SDK2: variants seen among roughly 807,000 people sequenced by gnomAD.
The protein encoded by SDK2 is sidekick cell adhesion molecule 2, also known as protein sidekick-2.
A neutral mutation model predicts 253.9 loss-of-function variants in SDK2; 105 were observed. That is an observed-to-expected ratio of 0.41 (90% confidence interval 0.35 to 0.49). The LOEUF is 0.49. SDK2 is among the 20% of genes least tolerant of loss of function. The pLI is 0.06. For synonymous variants in SDK2, 1,249 were observed against 1,234.9 expected, an observed-to-expected ratio of 1.01 and a Z score of -0.24; for missense variants, 2,608 against 3,003.0, an observed-to-expected ratio of 0.87 and a Z score of 3.07.
At chr17:73,536,797 G>T (rs535787063) in intron 1 of SDK2, among the ~76,000 whole-genome samples, 1 of 152,302 alleles carries the variant, frequency 6.6e-6, no homozygotes, top group East Asian at 1.9e-4. Context: ...GGCTATAAAA[G>T]TGGTTCCAGA....
chr17:73,388,916 TTTTCC>T (rs2062902175), intron 29 of SDK2, among the ~76,000 whole-genome samples: 1 of 51,822 alleles, frequency 1.9e-5, no homozygotes, highest in African/African-American at 9.6e-5. Flanking sequence ...CTCCCTCCCT[TTTTCC>T]CCCCTTCCCT....
intron 18 of SDK2, among the ~76,000 whole-genome samples, chr17:73,404,205 T>C (rs2063052596): frequency 1.3e-5 from 2 of 152,210 alleles, no homozygotes; most frequent in African/African-American, 4.8e-5. Context: ...GGATCCAAGA[T>C]GGCAGCAGGG....
At chr17:73,420,654 T>TG (rs1183872762) in intron 15 of SDK2, among the ~76,000 whole-genome samples, 2 of 151,464 alleles carry the variant, frequency 1.3e-5, no homozygotes, top group Non-Finnish European at 2.9e-5. Context: ...TTGTAGAGGC[T>TG]GGGGTAAGGG....
intron 1 of SDK2, among the ~76,000 whole-genome samples, chr17:73,640,513 C>T (rs551925083): frequency 6.6e-6 from 1 of 152,282 alleles, no homozygotes; most frequent in African/African-American, 2.4e-5. Context: ...ATTCCACTCT[C>T]GAGTGGGGCT....
At chr17:73,515,094 C>A (rs973377260) in intron 1 of SDK2, among the ~76,000 whole-genome samples, 1 of 152,172 alleles carries the variant, frequency 6.6e-6, no homozygotes, top group Non-Finnish European at 1.5e-5. Context: ...AGTTAAGAGG[C>A]CTGAGTTCAT....
Position 73,390,454 on chromosome 17 carries a change from G to C in SDK2, c.4025C>G (p.Thr1342Ser). ...LAYQITHRLN[T>S]TTANTATVEV... is the part of the protein sequence containing the mutation. ...CACAGTGGCGGTGTTGGCCGTGGTG[G>C]TGTTGAGCCGGTGTGTGATCTGGTA... Residue 1342 changes from threonine to serine, a missense_variant, in exon 29 of 45, where the codon ACC becomes AGC. Transcript: ENST00000392650. 1 of 1,612,728 alleles carries C rather than the reference G, an allele frequency of 6.2e-7. No homozygotes were observed.
intron 12 of SDK2, among the ~76,000 whole-genome samples, chr17:73,428,033 A>G (rs768651351): frequency 6.0e-4 from 92 of 152,230 alleles, no homozygotes; most frequent in South Asian, 2.1e-4. Context: ...AAAAATAGTC[A>G]TTGACAGATG....
chr17:73,344,907 T>C (rs1374184668), intron 44 of SDK2, among the ~76,000 whole-genome samples: 5 of 152,224 alleles, frequency 3.3e-5, no homozygotes, highest in African/African-American at 1.2e-4. Flanking sequence ...CCCAGTGCTG[T>C]TCACACTTTG....
intron 21 of SDK2, among the ~76,000 whole-genome samples, 181 bp downstream of exon 21, chr17:73,400,839 G>A (rs774212980): frequency 6.6e-6 from 1 of 151,964 alleles, no homozygotes; most frequent in Non-Finnish European, 1.5e-5. Context: ...TTTTTAGTAG[G>A]GTTTTACCAC....
chr17:73,350,094 G>T (rs1381057382), intron 43 of SDK2, 143 bp downstream of exon 43: 3 of 450,808 alleles, frequency 6.7e-6, no homozygotes, highest in East Asian at 7.1e-5. Context: ...TCTGCTGATC[G>T]TTCCCAGCCC....
intron 18 of SDK2, among the ~76,000 whole-genome samples, chr17:73,414,061 T>C (rs2063160380): frequency 1.3e-5 from 2 of 151,944 alleles, no homozygotes; most frequent in Non-Finnish European, 2.9e-5. Flanking sequence ...CTTTTTTTTT[T>C]TTTGGGACAG....
At chr17:73,509,627 C>CAAAA (rs111605845) in intron 1 of SDK2, among the ~76,000 whole-genome samples, 1 of 81,254 alleles carries the variant, frequency 1.2e-5, no homozygotes. Context: ...CCCTCTTCAC[C>CAAAA]AAAAAAAAAA....
chr17:73,628,831 C>T (rs756490011), intron 1 of SDK2, among the ~76,000 whole-genome samples: 20 of 152,226 alleles, frequency 1.3e-4, no homozygotes, highest in Non-Finnish European at 1.3e-4. Context: ...TCCAAAGCCA[C>T]GCCCCAGAGA....
chr17:73,380,965 TGCCGGGGCGGGGGC>T lies in SDK2; in HGVS notation c.4706-29_4706-16del. The T allele has an allele frequency of 4.8e-6, 3 of 623,256 alleles. No individual in the cohort carries two copies. Among genetic ancestry groups the T allele is most frequent in the Non-Finnish European group, 8.5e-6 (3 of 352,838 alleles). The allele number at this position is 623,256 out of a possible 1,614,324, so 38.6% of individuals were successfully genotyped here. A position where few individuals can be genotyped will look rare whatever the true frequency, so the allele number is the denominator to read the frequency against. On this transcript the variant is annotated splice_polypyrimidine_tract_variant and intron_variant, in intron 33 of 44. Coordinates refer to ENST00000392650, the MANE Select transcript of SDK2 (RefSeq NM_001144952.2). The stretch of plus-strand genomic sequence containing the variant: ...GGAGTACATGGCTATGGGGTGGGGG[TGCCGGGGCGGGGGC>T]GCAGAGGGAGACAGCAGACAGAGGA...
intron 36 of SDK2, among the ~76,000 whole-genome samples, chr17:73,373,069 G>A (rs1349167618): frequency 2.0e-5 from 3 of 152,178 alleles, no homozygotes; most frequent in Non-Finnish European, 4.4e-5. Flanking sequence ...TCTACTCTCT[G>A]TTCCTATGAG....
intron 6 of SDK2, among the ~76,000 whole-genome samples, chr17:73,438,638 A>ACAGG (rs2063390324): frequency 6.9e-6 from 1 of 145,210 alleles, no homozygotes; most frequent in Non-Finnish European, 1.5e-5. Flanking sequence ...GACAAGACAG[A>ACAGG]CAGACAGACA....
intron 31 of SDK2, 85 bp from the exon 32 acceptor site, chr17:73,386,002 C>G (rs2062869090): frequency 2.0e-6 from 2 of 996,722 alleles, no homozygotes; most frequent in Non-Finnish European, 3.0e-6. Flanking sequence ...TCTGCTAATA[C>G]TGGACTGCGG....
At chr17:73,440,278 G>A (rs1374000480) in intron 6 of SDK2, among the ~76,000 whole-genome samples, 1 of 151,892 alleles carries the variant, frequency 6.6e-6, no homozygotes, top group Non-Finnish European at 1.5e-5. Flanking sequence ...GCTAATTTTT[G>A]TATTTTCAGT....
At chr17:73,594,863 T>G (rs532581632) in intron 1 of SDK2, among the ~76,000 whole-genome samples, 1 of 150,994 alleles carries the variant, frequency 6.6e-6, no homozygotes, top group African/African-American at 2.4e-5. Context: ...CACATGCAAA[T>G]ACACACAGCA....
Sources: gnomAD v4.1 joint callset for allele counts (sites outside exome capture counted in the v4.1 genomes callset) on GRCh38, gnomAD v4.1.1 for gene constraint, MANE v1.5 for transcripts, NCBI Gene and HGNC (gene_info 2026-07-23, HGNC 2026-07-21) for gene names.